Variants in IL1RAPL1 observed in about 807,000 individuals in gnomAD.
IL1RAPL1 encodes interleukin 1 receptor accessory protein like 1, also known as interleukin-1 receptor accessory protein-like 1.
IL1RAPL1 carries 3 observed loss-of-function variants against 48.4 expected under a neutral mutation model. That is an observed-to-expected ratio of 0.06 (90% CI 0.03 to 0.16). The LOEUF (loss-of-function observed/expected upper bound fraction) is 0.16, where lower values mean the gene tolerates loss of function less well. Among genes scored for constraint, IL1RAPL1 ranks in the 10% least tolerant of loss-of-function variants. The probability of loss-of-function intolerance (pLI) is 1.00; values close to 1 mark genes in which losing one functional copy is unlikely to be tolerated. For missense variants in IL1RAPL1, 349 were observed against 530.6 expected, an observed-to-expected ratio of 0.66 and a Z score of 3.36; for synonymous variants, 185 against 187.7, an observed-to-expected ratio of 0.99 and a Z score of 0.12.
chrX:28,703,649 T>A (rs1013504151), intron 1 of IL1RAPL1, among the ~76,000 whole-genome samples: 1 of 111,486 alleles, frequency 9.0e-6, no homozygotes, highest in Admixed American at 9.6e-5. Context: ...CAATCATTGC[T>A]AAACAATTGC....
intron 5 of IL1RAPL1, among the ~76,000 whole-genome samples, chrX:29,633,470 C>CAT (rs1924855932): frequency 2.3e-5 from 2 of 85,268 alleles, no homozygotes; most frequent in South Asian, 1.0e-3. Context: ...TATATATATA[C>CAT]ACACACACAC....
At chrX:29,479,871 G>T (rs1217734420) in intron 5 of IL1RAPL1, among the ~76,000 whole-genome samples, 1 of 111,635 alleles carries the variant, frequency 9.0e-6, no homozygotes, top group Non-Finnish European at 1.9e-5. Context: ...TGGCTAAGTA[G>T]TATTCCATGG....
At chrX:28,887,265 C>T (rs1311228041) in intron 2 of IL1RAPL1, among the ~76,000 whole-genome samples, 1 of 111,835 alleles carries the variant, frequency 8.9e-6, no homozygotes, top group Non-Finnish European at 1.9e-5. Context: ...CATGTGAGAA[C>T]TCAGCCTTCC....
intron 1 of IL1RAPL1, among the ~76,000 whole-genome samples, chrX:28,765,320 G>A (rs1936223560): frequency 9.0e-6 from 1 of 111,585 alleles, no homozygotes; most frequent in Non-Finnish European, 1.9e-5. Flanking sequence ...TTCTTAGGTT[G>A]TGTGCCTTGC....
intron 1 of IL1RAPL1, among the ~76,000 whole-genome samples, chrX:28,597,709 C>T (rs1036993996): frequency 1.8e-5 from 2 of 110,957 alleles, no homozygotes; most frequent in Admixed American, 9.7e-5. Flanking sequence ...TAAGCCTGGG[C>T]AACAAGAGTG....
At chrX:29,221,634 C>T (rs1273576736) in intron 2 of IL1RAPL1, among the ~76,000 whole-genome samples, 11 of 76,031 alleles carry the variant, frequency 1.4e-4, no homozygotes, top group African/African-American at 8.0e-4. Context: ...CACACACACA[C>T]ACACACACAC....
rs770917152 is a variant in IL1RAPL1 at position 29,087,129 on chromosome X, TA to T, written c.83-195804del. Among the ~76,000 whole-genome samples the T allele has an allele frequency of 1.2e-3, 120 of 103,326 alleles. 1 individual carries two copies. In the South Asian group the frequency reaches 0.029, roughly 25 times the overall value. The allele number at this position is 103,326 out of a possible 115,157, so 89.7% of individuals were successfully genotyped here. A position where few individuals can be genotyped will look rare whatever the true frequency, so the allele number is the denominator to read the frequency against. Reference sequence around the variant, plus strand: ...TTATGACATGACAGAGGACATTATTTAAAAATTTTTTTTTTTTTTTTTTTTT... The same window carrying T: ...TTATGACATGACAGAGGACATTATTTAAAATTTTTTTTTTTTTTTTTTTTT... On this transcript the variant is annotated intron_variant, in intron 2 of 10. Coordinates refer to ENST00000378993, the MANE Select transcript of IL1RAPL1 (RefSeq NM_014271.4).
At chrX:28,938,798 C>G (rs1924085109) in intron 2 of IL1RAPL1, among the ~76,000 whole-genome samples, 1 of 110,431 alleles carries the variant, frequency 9.1e-6, no homozygotes, top group Admixed American at 9.7e-5. Context: ...ATATAATATC[C>G]AGCATCTATG....
intron 9 of IL1RAPL1, among the ~76,000 whole-genome samples, chrX:29,950,554 C>T (rs1319336041): frequency 2.7e-5 from 3 of 111,676 alleles, no homozygotes; most frequent in East Asian, 2.8e-4. Context: ...TAGGAACCTA[C>T]TCTTCACCTA....
chrX:29,133,150 A>G (rs1366032445), intron 2 of IL1RAPL1, among the ~76,000 whole-genome samples: 1 of 111,825 alleles, frequency 8.9e-6, no homozygotes, highest in African/African-American at 3.2e-5. Flanking sequence ...ACTTCCCTGA[A>G]TAAGAAGTCT....
chrX:29,841,314 T>G (rs1931131328), intron 6 of IL1RAPL1, among the ~76,000 whole-genome samples: 1 of 112,219 alleles, frequency 8.9e-6, no homozygotes, highest in Non-Finnish European at 1.9e-5. Context: ...AAATTCAAAA[T>G]TTAAATATAT....
chrX:28,588,398 T>C (rs1188886671), intron 1 of IL1RAPL1, among the ~76,000 whole-genome samples: 2 of 111,735 alleles, frequency 1.8e-5, no homozygotes, highest in East Asian at 2.8e-4. Context: ...AATGTAATAT[T>C]TGTGGCCCCT....
At chrX:28,818,730 A>C (rs968098788) in intron 2 of IL1RAPL1, among the ~76,000 whole-genome samples, 2 of 110,401 alleles carry the variant, frequency 1.8e-5, no homozygotes, top group African/African-American at 6.5e-5. Flanking sequence ...GGTCTCATGA[A>C]ATTTTTAAGT....
chrX:28,861,420 G>A (rs1297513671), intron 2 of IL1RAPL1, among the ~76,000 whole-genome samples: 5 of 111,903 alleles, frequency 4.5e-5, no homozygotes, highest in African/African-American at 1.6e-4. Context: ...CAAAAAGAGG[G>A]CAAAACATGA....
chrX:29,930,156 T>C (rs1483987715), intron 8 of IL1RAPL1, among the ~76,000 whole-genome samples: 2 of 112,373 alleles, frequency 1.8e-5, no homozygotes, highest in African/African-American at 3.2e-5. Context: ...GATGATTGAC[T>C]CCACGTTTTA....
intron 2 of IL1RAPL1, among the ~76,000 whole-genome samples, chrX:28,922,161 G>A (rs1234790972): frequency 1.8e-5 from 2 of 111,405 alleles, no homozygotes; most frequent in African/African-American, 6.5e-5. Flanking sequence ...TTGAAATCAG[G>A]CGGTCAAGTT....
chrX:28,620,146 T>C (rs1934269858), intron 1 of IL1RAPL1, among the ~76,000 whole-genome samples: 1 of 111,302 alleles, frequency 9.0e-6, no homozygotes, highest in Non-Finnish European at 1.9e-5. Context: ...GCACTCTCTT[T>C]CCATAATGCT....
intron 1 of IL1RAPL1, among the ~76,000 whole-genome samples, chrX:28,710,770 A>G (rs1486581665): frequency 1.8e-5 from 2 of 112,432 alleles, no homozygotes; most frequent in Non-Finnish European, 3.8e-5. Context: ...TCAATAAAAA[A>G]GTATTAATGT....
chrX:28,723,070 T>C (rs1321815068), intron 1 of IL1RAPL1, among the ~76,000 whole-genome samples: 6 of 111,366 alleles, frequency 5.4e-5, no homozygotes, highest in African/African-American at 2.0e-4. Flanking sequence ...TTGTTGTGTC[T>C]CTACCCGGCT....
Sources: gnomAD v4.1 joint callset for allele counts (sites outside exome capture counted in the v4.1 genomes callset) on GRCh38, gnomAD v4.1.1 for gene constraint, MANE v1.5 for transcripts, NCBI Gene and HGNC (gene_info 2026-07-23, HGNC 2026-07-21) for gene names.